The following SGCG variants were observed in gnomAD, a reference collection of about 807,000 sequenced individuals.
SGCG encodes the protein gamma-sarcoglycan.
In SGCG, 26 loss-of-function variants were observed where a neutral mutation model predicts 29.3. The ratio of observed to expected loss-of-function variants is 0.89; its 90% CI spans 0.65 to 1.23. SGCG has a LOEUF of 1.23. Among genes scored for constraint, SGCG ranks in the 50% most tolerant of loss-of-function variants. The pLI, the probability that SGCG is intolerant of heterozygous loss-of-function variation, is 0.00. For missense variants in SGCG, 353 were observed against 356.0 expected (o/e 0.99, Z 0.07); for synonymous variants, 145 against 129.7 (o/e 1.12, Z -0.80).
At chr13:23,173,654 G>C in the SGCG span, among the ~76,000 whole-genome samples, 1 of 152,114 alleles carries the variant, frequency 6.6e-6, no homozygotes, top group Non-Finnish European at 1.5e-5. Context: ...GAAATTTCTG[G>C]TCAAGGTAAA....
intron 6 of SGCG, among the ~76,000 whole-genome samples, chr13:23,309,570 C>T (rs1215595994): frequency 6.6e-6 from 1 of 152,182 alleles, no homozygotes; most frequent in African/African-American, 2.4e-5. Context: ...TAACGATGGA[C>T]ATCTGTGTTT....
chr13:23,306,227 C>G (rs372604033), intron 6 of SGCG, among the ~76,000 whole-genome samples: 1 of 152,196 alleles, frequency 6.6e-6, no homozygotes, highest in African/African-American at 2.4e-5. Context: ...GAAGTTTTTC[C>G]TCATTTTCAA....
At chr13:23,224,657 GGC>G (rs1336951125) in intron 2 of SGCG, among the ~76,000 whole-genome samples, 3 of 56,290 alleles carry the variant, frequency 5.3e-5, no homozygotes, top group African/African-American at 2.5e-4. Flanking sequence ...CCCCAAACAG[GGC>G]ACACATACAC....
upstream of SGCG, among the ~76,000 whole-genome samples, chr13:23,179,574 A>G (rs558067825): frequency 6.6e-6 from 1 of 152,300 alleles, no homozygotes; most frequent in South Asian, 2.1e-4. Flanking sequence ...ATTGTTTAAT[A>G]TATTATTTTT....
intron 5 of SGCG, among the ~76,000 whole-genome samples, chr13:23,286,169 TC>T (rs1881488569): frequency 6.6e-6 from 1 of 152,194 alleles, no homozygotes; most frequent in African/African-American, 2.4e-5. Flanking sequence ...ATATTTCACC[TC>T]TCAGTGCTTT....
intron 5 of SGCG, among the ~76,000 whole-genome samples, chr13:23,287,180 G>A (rs1382053236): frequency 6.6e-6 from 1 of 152,176 alleles, no homozygotes; most frequent in East Asian, 1.9e-4. Flanking sequence ...AATCTGGGTA[G>A]CCCAATCTAT....
intron 6 of SGCG, among the ~76,000 whole-genome samples, chr13:23,309,245 T>C (rs1443134023): frequency 1.3e-5 from 2 of 152,078 alleles, no homozygotes; most frequent in Non-Finnish European, 2.9e-5. Flanking sequence ...TACATACATA[T>C]GCCGAGAGAG....
intron 2 of SGCG, among the ~76,000 whole-genome samples, chr13:23,212,710 C>G (rs1181977329): frequency 6.6e-6 from 1 of 152,134 alleles, no homozygotes; most frequent in Non-Finnish European, 1.5e-5. Context: ...CTCCAGTTAA[C>G]TTGGGAAGGC....
rs1390142096 is a variant in SGCG at position 23,203,731 on chromosome 13, A to C, written c.37A>C (p.Ile13Leu). Residue 13 changes from isoleucine (I) to leucine (L), a missense_variant, in exon 2 of 8, where the codon ATC becomes CTC. Transcript: ENST00000218867. ...REQYTTATEG[I>L]CIERPENQYV... is the part of the protein sequence containing the mutation. ...GCAGTACACTACAGCCACAGAAGGCATCTGCATAGAGAGGCCAGAGAATCA... is the reference window on the plus strand; with the variant it reads ...GCAGTACACTACAGCCACAGAAGGCCTCTGCATAGAGAGGCCAGAGAATCA... 6 of 1,614,000 alleles carry C rather than the reference A, an allele frequency of 3.7e-6. No homozygotes were observed. Among genetic ancestry groups the C allele is most frequent in the Non-Finnish European group, 5.1e-6 (6 of 1,179,902 alleles).
intron 4 of SGCG, among the ~76,000 whole-genome samples, chr13:23,278,135 C>T (rs1881160017): frequency 6.6e-6 from 1 of 151,798 alleles, no homozygotes; most frequent in Non-Finnish European, 1.5e-5. Flanking sequence ...TGCCCAGCCT[C>T]AACTTACTTT....
chr13:23,232,765 G>A (rs1345502005), intron 2 of SGCG, among the ~76,000 whole-genome samples: 3 of 152,142 alleles, frequency 2.0e-5, no homozygotes, highest in Admixed American at 2.0e-4. Context: ...CTGGGCGACA[G>A]TACAAGACTC....
intron 2 of SGCG, among the ~76,000 whole-genome samples, chr13:23,221,975 T>C (rs1285804619): frequency 6.6e-6 from 1 of 152,192 alleles, no homozygotes; most frequent in Non-Finnish European, 1.5e-5. Context: ...AGGGAAATGA[T>C]TTAGGGAGCA....
intron 5 of SGCG, among the ~76,000 whole-genome samples, chr13:23,285,182 A>G (rs561949510): frequency 6.6e-6 from 1 of 152,336 alleles, no homozygotes; most frequent in South Asian, 2.1e-4. Flanking sequence ...AGGCAGGAAC[A>G]TTTAAGTCTG....
the SGCG span, chr13:23,170,589 T>G: frequency 6.6e-6 from 1 of 152,330 alleles, no homozygotes; most frequent in South Asian, 2.1e-4. Context: ...TGTTGCCTTC[T>G]TCTTCTGGTG....
At chr13:23,304,155 T>C (rs485347) in intron 6 of SGCG, among the ~76,000 whole-genome samples, 109,334 of 151,582 alleles carry the variant, frequency 0.72, 41,321 homozygotes, top group East Asian at 0.89. Flanking sequence ...ATCCCTGATA[T>C]ATGTTTTAAA....
chr13:23,254,814 C>T (rs1714072382), intron 4 of SGCG, among the ~76,000 whole-genome samples: 1 of 152,188 alleles, frequency 6.6e-6, no homozygotes, highest in Non-Finnish European at 1.5e-5. Context: ...CCAGCTGTGC[C>T]TCAAAGGGCC....
At chr13:23,247,909 C>T (rs1310296128) in intron 3 of SGCG, among the ~76,000 whole-genome samples, 1 of 147,020 alleles carries the variant, frequency 6.8e-6, no homozygotes, top group South Asian at 2.2e-4. Context: ...TGTATACTCA[C>T]ACCACTGGAC....
At chr13:23,238,972 G>A (rs1384867216) in intron 3 of SGCG, among the ~76,000 whole-genome samples, 1 of 152,066 alleles carries the variant, frequency 6.6e-6, no homozygotes. Flanking sequence ...TCAGTAACTA[G>A]AGGGACAATG....
intron 3 of SGCG, among the ~76,000 whole-genome samples, chr13:23,239,589 T>A (rs974833707): frequency 3.3e-5 from 5 of 152,254 alleles, no homozygotes; most frequent in African/African-American, 9.6e-5. Context: ...AAAATAATTT[T>A]AAAAAATGTT....
Sources: allele counts gnomAD v4.1 joint callset (sites outside exome capture counted in the v4.1 genomes callset), GRCh38; gene constraint gnomAD v4.1.1; transcripts MANE v1.5; gene names NCBI Gene and HGNC (gene_info 2026-07-23, HGNC 2026-07-21).